The following TTLL11 variants were observed in gnomAD, a reference collection of about 807,000 sequenced individuals.
TTLL11 encodes the protein tubulin tyrosine ligase like 11.
Under a neutral mutation model 51.7 loss-of-function variants are expected in TTLL11, and 42 were observed. That is an observed-to-expected ratio of 0.81 (90% CI 0.64 to 1.05). The LOEUF is 1.05. TTLL11 is among the 50% of genes least tolerant of loss of function. TTLL11 has a pLI of 0.00. For synonymous variants in TTLL11, 381 were observed against 383.5 expected (o/e 0.99, Z 0.08); for missense variants, 799 against 940.4 (o/e 0.85, Z 1.97).
chr9:121,826,051 C>A (rs1836741424), intron 8 of TTLL11, among the ~76,000 whole-genome samples: 1 of 149,836 alleles, frequency 6.7e-6, no homozygotes, highest in African/African-American at 2.5e-5. Flanking sequence ...TAATTATGAA[C>A]CCCTTACTAC....
chr9:121,981,970 T>A (rs986674117), intron 4 of TTLL11, among the ~76,000 whole-genome samples: 1 of 152,204 alleles, frequency 6.6e-6, no homozygotes, highest in Non-Finnish European at 1.5e-5. Context: ...CCTCCATATA[T>A]GCATGGCCTA....
intron 1 of TTLL11, among the ~76,000 whole-genome samples, chr9:122,053,362 G>A (rs1336922884): frequency 2.0e-5 from 3 of 152,148 alleles, no homozygotes; most frequent in Non-Finnish European, 4.4e-5. Context: ...GGGAAATCAG[G>A]CAGAGGACTA....
intron 6 of TTLL11, among the ~76,000 whole-genome samples, chr9:121,889,765 G>A (rs182853778): frequency 3.7e-4 from 57 of 152,224 alleles, no homozygotes; most frequent in Admixed American, 1.6e-3. Flanking sequence ...CAGGGCATGC[G>A]GGCGTTTGCC....
chr9:121,939,412 T>A (rs1361161377), intron 6 of TTLL11, among the ~76,000 whole-genome samples: 1 of 152,182 alleles, frequency 6.6e-6, no homozygotes, highest in East Asian at 1.9e-4. Flanking sequence ...ATGGCTTGTA[T>A]CATTTATATA....
chr9:122,035,536 C>T (rs141253652), intron 2 of TTLL11, among the ~76,000 whole-genome samples: 45 of 152,378 alleles, frequency 3.0e-4, no homozygotes, highest in Non-Finnish European at 5.9e-4. Context: ...CAAACTAAAA[C>T]TGAGCTATAC....
intron 3 of TTLL11, among the ~76,000 whole-genome samples, chr9:122,030,215 G>GA (rs59978425): frequency 8.9e-6 from 1 of 111,902 alleles, no homozygotes; most frequent in Non-Finnish European, 1.9e-5. Flanking sequence ...GGGGGGGGGG[G>GA]TAATTATGAG....
At chr9:121,828,349 T>A (rs1473746361) in intron 8 of TTLL11, among the ~76,000 whole-genome samples, 2 of 152,076 alleles carry the variant, frequency 1.3e-5, no homozygotes, top group Non-Finnish European at 2.9e-5. Context: ...ATTTTTTGTA[T>A]TTTTAGTAGA....
chr9:122,024,554 C>T (rs1844273347), intron 3 of TTLL11, among the ~76,000 whole-genome samples: 1 of 152,144 alleles, frequency 6.6e-6, no homozygotes, highest in Non-Finnish European at 1.5e-5. Flanking sequence ...TATATCAAAA[C>T]AGTGAGGTTT....
chr9:121,905,805 T>A (rs1222083734), intron 6 of TTLL11, among the ~76,000 whole-genome samples: 1 of 152,216 alleles, frequency 6.6e-6, no homozygotes, highest in East Asian at 1.9e-4. Context: ...TGCAAAAAAA[T>A]CTTTCTCATA....
intron 4 of TTLL11, among the ~76,000 whole-genome samples, chr9:121,986,061 G>A (rs12344832): frequency 0.31 from 46,683 of 152,078 alleles, 7,576 homozygotes; most frequent in Non-Finnish European, 0.33. Flanking sequence ...TGATCCTGGC[G>A]TCTCCCCCCA....
rs1836576943 is a variant in TTLL11 at position 121,821,489 on chromosome 9, G to A, written c.*1098C>T. Among the ~76,000 whole-genome samples, 3 of 152,188 alleles carry A rather than the reference G, an allele frequency of 2.0e-5. No homozygotes were observed. The highest frequency in any genetic ancestry group is 7.2e-5 in the African/African-American group (3 of 41,440). ...CCCAAATCCAACCACACTCTGGAGA[G>A]CTTGGCTTTGCCAGGTCCTGCCTGC... On this transcript the variant is annotated 3_prime_UTR_variant, in exon 9 of 9. Coordinates refer to ENST00000321582, the MANE Select transcript of TTLL11 (RefSeq NM_001139442.2). The surrounding 1 kb of genome is among the most constrained non-coding windows in gnomAD (Gnocchi z 5.0).
intron 4 of TTLL11, among the ~76,000 whole-genome samples, chr9:121,985,313 C>A (rs1445940373): frequency 6.6e-6 from 1 of 151,994 alleles, no homozygotes; most frequent in Non-Finnish European, 1.5e-5. Context: ...TTGAGGTAGG[C>A]AAGGAAGATG....
chr9:121,846,255 C>A (rs1255240227), intron 8 of TTLL11, among the ~76,000 whole-genome samples: 1 of 152,056 alleles, frequency 6.6e-6, no homozygotes, highest in Non-Finnish European at 1.5e-5. Context: ...CATGTATGCA[C>A]CTAACAATGG....
chr9:121,931,320 G>A (rs978008224), intron 6 of TTLL11, among the ~76,000 whole-genome samples: 3 of 152,244 alleles, frequency 2.0e-5, no homozygotes, highest in Non-Finnish European at 2.9e-5. Context: ...TTAGAAGATG[G>A]AGGAAGCTAA....
intron 6 of TTLL11, among the ~76,000 whole-genome samples, chr9:121,896,263 T>C (rs1447939874): frequency 6.6e-6 from 1 of 152,050 alleles, no homozygotes; most frequent in Non-Finnish European, 1.5e-5. Context: ...CTAGAAAGAA[T>C]AGACACATTT....
At chr9:122,030,213 G>T (rs563577373) in intron 3 of TTLL11, among the ~76,000 whole-genome samples, 1,920 of 135,890 alleles carry the variant, frequency 0.014, 113 homozygotes, top group African/African-American at 0.048. Flanking sequence ...GGGGGGGGGG[G>T]GGTAATTATG....
intron 1 of TTLL11, among the ~76,000 whole-genome samples, chr9:122,063,030 C>T (rs1385426603): frequency 6.6e-6 from 1 of 152,202 alleles, no homozygotes; most frequent in Admixed American, 6.5e-5. Context: ...ATCCTCCCAC[C>T]TTGACCTCCC....
intron 8 of TTLL11, among the ~76,000 whole-genome samples, chr9:121,845,998 A>G (rs904836259): frequency 3.3e-5 from 5 of 152,142 alleles, no homozygotes; most frequent in Non-Finnish European, 1.5e-5. Context: ...AAAAAACGAG[A>G]CCCAACTGAA....
At chr9:122,067,267 A>T (rs2131884927) in intron 1 of TTLL11, among the ~76,000 whole-genome samples, 1 of 152,344 alleles carries the variant, frequency 6.6e-6, no homozygotes, top group South Asian at 2.1e-4. Context: ...CCTAACACAG[A>T]AAAGTCCTCA....
Sources: allele counts gnomAD v4.1 joint callset (sites outside exome capture counted in the v4.1 genomes callset), GRCh38; gene constraint gnomAD v4.1.1; non-coding constraint Gnocchi (gnomAD v3.1); transcripts MANE v1.5; gene names NCBI Gene and HGNC (gene_info 2026-07-23, HGNC 2026-07-21).